GPS1: variants seen among roughly 807,000 people sequenced by gnomAD.
GPS1 encodes G protein pathway suppressor 1, also known as COP9 signalosome complex subunit 1.
A neutral mutation model predicts 60.0 loss-of-function variants in GPS1; 11 were observed. The ratio of observed to expected loss-of-function variants is 0.18; its 90% confidence interval spans 0.12 to 0.30. GPS1 has a LOEUF of 0.30. GPS1 is among the 10% of genes least tolerant of loss of function. GPS1 has a pLI of 1.00. For synonymous variants in GPS1, 343 were observed against 269.8 expected, an observed-to-expected ratio of 1.27 and a Z score of -2.66; for missense variants, 543 against 669.2, an observed-to-expected ratio of 0.81 and a Z score of 2.08.
At position 82,056,560 on chromosome 17, in the gene GPS1, G is replaced by C; in HGVS notation, c.1116+10G>C. 1 of 1,612,788 alleles carries C rather than the reference G, an allele frequency of 6.2e-7. No individual in the cohort carries two copies. Among genetic ancestry groups the C allele is most frequent in the Non-Finnish European group, 8.5e-7 (1 of 1,179,994 alleles). On this transcript the variant is annotated intron_variant, in intron 10 of 12. Transcript: ENST00000578552. ...CCGTGCCCTCATCCAGGTAAGCGTGGGGGTCAGGCTGGCACACGGCAGGCG... is the reference window on the plus strand; with the variant it reads ...CCGTGCCCTCATCCAGGTAAGCGTGCGGGTCAGGCTGGCACACGGCAGGCG...
rs755133243 is a variant in GPS1 at position 82,057,415 on chromosome 17, G to A, written c.*288G>A. 20 of 621,854 alleles carry A rather than the reference G, an allele frequency of 3.2e-5. No homozygotes were observed. The highest frequency in any genetic ancestry group is 1.1e-4 in the Admixed American group (5 of 46,782). The allele number at this position is 621,854 out of a possible 1,614,324, so 38.5% of individuals were successfully genotyped here. ...CATTTCCCAGACCCCTCCTGTTCCCGCCTCAGTCAGGTGCAGACAAGTGGG... is the reference window on the plus strand; with the variant it reads ...CATTTCCCAGACCCCTCCTGTTCCCACCTCAGTCAGGTGCAGACAAGTGGG... On this transcript the variant is annotated 3_prime_UTR_variant, in exon 13 of 13. Coordinates refer to ENST00000578552, the MANE Select transcript of GPS1 (RefSeq NM_001321092.3).
intron 3 of GPS1, chr17:82,054,284 G>A (rs2031951261): frequency 1.3e-6 from 1 of 747,496 alleles, no homozygotes; most frequent in African/African-American, 1.8e-5. Context: ...GTGGCTCAGG[G>A]GCCGCCTCCC....
chr17:82,055,907 C>A (rs1467479866), intron 7 of GPS1, 82 bp downstream of exon 7: 5 of 1,443,530 alleles, frequency 3.5e-6, no homozygotes, highest in Non-Finnish European at 4.8e-6. Flanking sequence ...AGGTCTCTCA[C>A]AAATGGGGTC....
In GPS1 at chr17:82,054,562, G is replaced by T. The variant is rs141937467; in HGVS notation, c.361G>T (p.Ala121Ser). The change falls in exon 4 of 13, where the codon GCC becomes TCC. Residue 121 changes from alanine (A) to serine (S), a missense_variant. Coordinates refer to ENST00000578552, the MANE Select transcript of GPS1 (RefSeq NM_001321092.3). ...CCCTGAGAGCGGCGTGGAGCCCCCA[G>T]CCCTGGACACGGCCTGGGTGGAGGC... The part of the protein sequence containing the change: ...AIPESGVEPP[A>S]LDTAWVEATR... 1.2e-4 allele frequency: 198 copies of T among 1,593,032 alleles called. No homozygotes were observed. The African/African-American group carries it at 2.4e-3, about 19-fold the overall frequency.
upstream of GPS1, chr17:82,051,548 C>G (rs1264058826): frequency 7.2e-7 from 1 of 1,396,952 alleles, no homozygotes; most frequent in Admixed American, 3.0e-5. This position sits in a 1 kb window ranked among gnomAD's most constrained non-coding sequence, Gnocchi z 4.1. Flanking sequence ...GCCGCAGGCG[C>G]GGCCCGTGGT....
At chr17:82,053,233 G>C in intron 1 of GPS1, 41 bp from the exon 2 acceptor site, 1 of 1,476,056 alleles carries the variant, frequency 6.8e-7, no homozygotes. Flanking sequence ...TCCTGGGGCA[G>C]TCCCCAGGAC....
upstream of GPS1, chr17:82,051,274 G>C: frequency 7.3e-7 from 1 of 1,361,686 alleles, no homozygotes; most frequent in Non-Finnish European, 9.5e-7. This position sits in a 1 kb window ranked among gnomAD's most constrained non-coding sequence, Gnocchi z 4.1. Flanking sequence ...CGCGGGCGCC[G>C]GGGAGTGGGG....
rs1187604925 is a variant in GPS1 at position 82,053,668 on chromosome 17, G to GCTCCTGCGC, written c.127-198_127-190dup. The GCTCCTGCGC allele has an allele frequency of 1.7e-5, 10 of 595,392 alleles. No homozygotes were observed. The East Asian group carries it at 3.0e-4, about 18-fold the overall frequency. 36.9% of individuals were successfully genotyped at this position (595,392 alleles called of 1,614,324 possible). ...CCGGGTGCAGGGTCCCACTCCTGAG[G>GCTCCTGCGC]CTCCTGCGCCAGGCCCACCCCAGCG... On this transcript the variant is annotated intron_variant, in intron 2 of 12. Transcript: ENST00000578552.
At chr17:82,055,048 C>T in intron 5 of GPS1, 73 bp downstream of exon 5, 2 of 1,592,976 alleles carry the variant, frequency 1.3e-6, no homozygotes, top group Non-Finnish European at 1.7e-6. Flanking sequence ...TCCTCCCCCA[C>T]CTCATTCTCC....
Position 82,054,679 on chromosome 17 carries a change from G to A in GPS1, c.478G>A (p.Gly160Ser). ...CTCCATCAAAGAGAGCATCCGGCGC[G>A]GCCACGACGACCTGGGCGACCACTA... ...GNSIKESIRR[G>S]HDDLGDHYLD... The change falls in exon 4 of 13, where the codon GGC becomes AGC. Residue 160 changes from glycine (G) to serine (S), a missense_variant. This residue lies in a region of GPS1 where 71 missense variants were observed against 126.7 expected (regional missense o/e 0.56). Coordinates refer to ENST00000578552, the MANE Select transcript of GPS1 (RefSeq NM_001321092.3). 1.2e-6 allele frequency: 2 copies of A among 1,611,642 alleles called. No individual in the cohort carries two copies. Among genetic ancestry groups the A allele is most frequent in the Non-Finnish European group, 1.7e-6 (2 of 1,179,926 alleles).
chr17:82,053,162 C>T (rs1439653698), intron 1 of GPS1, 112 bp from the exon 2 acceptor site: 22 of 808,556 alleles, frequency 2.7e-5, no homozygotes, highest in African/African-American at 5.5e-5. Flanking sequence ...GAGTGTGGTC[C>T]GACTGGCCTG....
chr17:82,056,475 C>G lies in GPS1; in HGVS notation c.1041C>G (p.Asn347Lys). 3 of 1,613,194 alleles carry G rather than the reference C, an allele frequency of 1.9e-6. No individual in the cohort carries two copies. Among genetic ancestry groups the G allele is most frequent in the Non-Finnish European group, 1.7e-6 (2 of 1,180,002 alleles). The stretch of plus-strand genomic sequence containing the variant: ...CTGACCAGCCCCTTCCCCAGGACAA[C>G]CTGCTCCTGGACATGTATCTGGCCC... ...CLKMLDEMKD[N>K]LLLDMYLAPH... The change falls in exon 10 of 13, where the codon AAC becomes AAG. Residue 347 changes from asparagine (N) to lysine (K), a missense_variant. Around this residue, in one of 3 missense-constraint regions of GPS1, gnomAD observed 291 missense variants for 353.7 expected, o/e 0.82. Transcript: ENST00000578552.
rs555539821 is a variant in GPS1, at chr17:82,057,055, C to G, written c.1392C>G (p.Ser464=). 9 of 1,597,534 alleles carry G rather than the reference C, an allele frequency of 5.6e-6. No individual in the cohort carries two copies. The highest frequency in any genetic ancestry group is 7.7e-6 in the Non-Finnish European group (9 of 1,170,396). Residue 464 remains serine (S), a splice_region_variant and synonymous_variant, in exon 13 of 13, where the codon TCC becomes TCG. Coordinates refer to ENST00000578552, the MANE Select transcript of GPS1 (RefSeq NM_001321092.3). ...AVLRNQIHVK[S]PPREGSQGEL... ...GCTGCTCCTTGTCTCCCCTGCAGTC[C>G]CCGCCCAGAGAAGGGAGCCAGGGGG...
chr17:82,055,703 C>T (rs1568062077), intron 6 of GPS1, 37 bp from the exon 7 acceptor site: 14 of 1,365,682 alleles, frequency 1.0e-5, no homozygotes, highest in Middle Eastern at 4.3e-4. Flanking sequence ...GGTCTTACCC[C>T]CTCTCCCCCC....
In GPS1 at chr17:82,053,599, C is replaced by T. The variant is rs547364237; in HGVS notation, c.126+233C>T. 3 of 538,054 alleles carry T rather than the reference C, an allele frequency of 5.6e-6. No homozygotes were observed. In the East Asian group the frequency reaches 9.4e-5, roughly 17 times the overall value. The allele number at this position is 538,054 out of a possible 1,614,324, so 33.3% of individuals were successfully genotyped here. On this transcript the variant is annotated intron_variant, in intron 2 of 12. Coordinates refer to ENST00000578552, the MANE Select transcript of GPS1 (RefSeq NM_001321092.3). ...AGGGCAGGTCTCCTCCCCGCTCAGC[C>T]TAGCGACCAGCAGTCACTAGTGGGT...
At chr17:82,052,004 G>GC (rs1198670915) in intron 1 of GPS1, 40 bp downstream of exon 1, 10 of 1,142,006 alleles carry the variant, frequency 8.8e-6, no homozygotes, top group African/African-American at 8.2e-5. Flanking sequence ...GCGCCCCCGC[G>GC]CCCCCCGCCA....
upstream of GPS1, chr17:82,051,576 AC>A: frequency 7.4e-7 from 1 of 1,348,114 alleles, no homozygotes; most frequent in South Asian, 1.7e-5. This position sits in a 1 kb window ranked among gnomAD's most constrained non-coding sequence, Gnocchi z 4.1. Flanking sequence ...GGTGGTCTTG[AC>A]GGCGATGAAG....
chr17:82,053,029 G>A (rs972681318), intron 1 of GPS1: 8 of 360,450 alleles, frequency 2.2e-5, no homozygotes, highest in Admixed American at 4.6e-5. Context: ...AGAATCAGGC[G>A]AGGGGTTTCT....
chr17:82,052,599 T>C lies in GPS1; in HGVS notation c.33+635T>C, dbSNP rs1176939514. On this transcript the variant is annotated intron_variant, in intron 1 of 12. Transcript: ENST00000578552. ...AGCGCAGGAGGGGAGGGAGCCCCGG[T>C]GGGCCCGGGGCCTGCGGAGGGAGCC... The C allele has an allele frequency of 2.6e-5, 27 of 1,047,358 alleles. No homozygotes were observed. The Admixed American group carries it at 7.7e-4, about 30-fold the overall frequency. 64.9% of individuals were successfully genotyped at this position (1,047,358 alleles called of 1,614,324 possible).
Sources: allele counts gnomAD v4.1 joint callset, GRCh38; gene constraint gnomAD v4.1.1; regional missense constraint gnomAD v4.1.1; non-coding constraint Gnocchi (gnomAD v3.1); transcripts MANE v1.5; gene names NCBI Gene and HGNC (gene_info 2026-07-23, HGNC 2026-07-21).